Variants in MARCHF8 observed in about 807,000 individuals in gnomAD.
MARCHF8 encodes E3 ubiquitin-protein ligase MARCHF8.
MARCHF8 carries 40 observed loss-of-function variants against 51.6 expected under a neutral mutation model. The observed-to-expected ratio is 0.77, with a 90% CI of 0.60 to 1.01. MARCHF8 has a LOEUF of 1.01. MARCHF8 is among the 50% of genes least tolerant of loss of function. The probability of loss-of-function intolerance (pLI) is 0.00; values close to 1 mark genes in which losing one functional copy is unlikely to be tolerated. For missense variants in MARCHF8, 685 were observed against 708.6 expected (o/e 0.97, Z 0.38); for synonymous variants, 263 against 280.3 (o/e 0.94, Z 0.62).
At chr10:45,498,383 A>G (rs1473702931) in intron 2 of MARCHF8, among the ~76,000 whole-genome samples, 1 of 152,156 alleles carries the variant, frequency 6.6e-6, no homozygotes, top group East Asian at 1.9e-4. Flanking sequence ...TAGATACTTT[A>G]TACAAGTGGA....
Position 45,469,046 on chromosome 10 carries a change from A to G in MARCHF8, c.154-4719T>C, listed in dbSNP as rs147974648. Among the ~76,000 whole-genome samples, 363 of 152,288 alleles carry G rather than the reference A, an allele frequency of 2.4e-3. 1 individual carries two copies. Among genetic ancestry groups the G allele is most frequent in the African/African-American group, 8.1e-3 (337 of 41,566 alleles). ...CAGCAAACGGCTGGAATCACCCTAA[A>G]TGCCCATCACCTTGGAGCTGAGGCA... On this transcript the variant is annotated intron_variant, in intron 3 of 7. Coordinates refer to ENST00000453424, the MANE Select transcript of MARCHF8 (RefSeq NM_001282866.2).
At chr10:45,480,316 A>T (rs1338756868) in intron 3 of MARCHF8, among the ~76,000 whole-genome samples, 2 of 152,232 alleles carry the variant, frequency 1.3e-5, no homozygotes, top group Non-Finnish European at 2.9e-5. Context: ...ATTGAAAAGA[A>T]AAACCCATTT....
intron 1 of MARCHF8, among the ~76,000 whole-genome samples, chr10:45,550,332 C>T (rs992204674): frequency 2.6e-5 from 4 of 152,166 alleles, no homozygotes; most frequent in Non-Finnish European, 2.9e-5. Flanking sequence ...TCTCACGTTC[C>T]TTAACAAACA....
intron 2 of MARCHF8, among the ~76,000 whole-genome samples, chr10:45,494,034 T>C (rs1196724962): frequency 6.6e-6 from 1 of 152,204 alleles, no homozygotes; most frequent in African/African-American, 2.4e-5. Context: ...ACAATTGAGT[T>C]AATACAAATC....
chr10:45,504,289 T>C (rs2043338417), intron 2 of MARCHF8, among the ~76,000 whole-genome samples: 1 of 152,054 alleles, frequency 6.6e-6, no homozygotes, highest in African/African-American at 2.4e-5. Flanking sequence ...CTACTAAAAA[T>C]ACAAAATTAG....
intron 3 of MARCHF8, among the ~76,000 whole-genome samples, chr10:45,488,062 C>T (rs905318709): frequency 1.3e-5 from 2 of 152,112 alleles, no homozygotes; most frequent in South Asian, 2.1e-4. Context: ...AGCAAGCTCA[C>T]TGCATCAGAT....
At chr10:45,509,075 A>T (rs2043443874) in intron 2 of MARCHF8, among the ~76,000 whole-genome samples, 1 of 152,194 alleles carries the variant, frequency 6.6e-6, no homozygotes, top group South Asian at 2.1e-4. Flanking sequence ...ACCCCATGGA[A>T]AAGGGCTATG....
At chr10:45,467,188 G>T (rs1055440200) in intron 3 of MARCHF8, among the ~76,000 whole-genome samples, 12 of 152,132 alleles carry the variant, frequency 7.9e-5, no homozygotes, top group African/African-American at 2.7e-4. Flanking sequence ...AACATTACAG[G>T]ATACTCTCAG....
intron 1 of MARCHF8, among the ~76,000 whole-genome samples, chr10:45,571,991 G>T (rs1047207453): frequency 1.3e-5 from 2 of 152,094 alleles, no homozygotes; most frequent in Non-Finnish European, 2.9e-5. Flanking sequence ...TTATCACCGC[G>T]GGGACGCCTG....
At chr10:45,565,084 C>A (rs997683332) in intron 1 of MARCHF8, among the ~76,000 whole-genome samples, 2 of 151,574 alleles carry the variant, frequency 1.3e-5, no homozygotes, top group Non-Finnish European at 2.9e-5. Context: ...AGAAGACACA[C>A]GCTGGCTGTT....
intron 3 of MARCHF8, among the ~76,000 whole-genome samples, chr10:45,476,498 T>C (rs890298587): frequency 2.0e-5 from 3 of 151,808 alleles, no homozygotes; most frequent in Non-Finnish European, 4.4e-5. Context: ...AGCACAGGAG[T>C]TGGAAGCTGC....
chr10:45,556,290 C>A (rs997978264), intron 1 of MARCHF8, among the ~76,000 whole-genome samples: 10 of 152,154 alleles, frequency 6.6e-5, no homozygotes, highest in African/African-American at 2.4e-4. Context: ...AACACACACA[C>A]AAAACTGTGA....
chr10:45,550,139 TAG>T (rs2044178396), intron 1 of MARCHF8, among the ~76,000 whole-genome samples: 1 of 152,214 alleles, frequency 6.6e-6, no homozygotes, highest in African/African-American at 2.4e-5. Flanking sequence ...TTTTTATCAG[TAG>T]AGTGTTTTTA....
chr10:45,543,783 G>A (rs1453210413), intron 1 of MARCHF8, among the ~76,000 whole-genome samples: 1 of 119,464 alleles, frequency 8.4e-6, no homozygotes, highest in African/African-American at 3.2e-5. Flanking sequence ...GGGTGACAGA[G>A]TGAGACTCCG....
intron 1 of MARCHF8, among the ~76,000 whole-genome samples, chr10:45,541,229 AC>A (rs1333443790): frequency 6.6e-6 from 1 of 152,264 alleles, no homozygotes; most frequent in African/African-American, 2.4e-5. Flanking sequence ...ACCATGGAAT[AC>A]TATGCAGCCA....
chr10:45,494,429 G>A (rs1304194060), intron 2 of MARCHF8, among the ~76,000 whole-genome samples: 1 of 151,962 alleles, frequency 6.6e-6, no homozygotes, highest in Admixed American at 6.6e-5. Context: ...GACCAGGACT[G>A]GTCCTTAAAA....
upstream of MARCHF8, among the ~76,000 whole-genome samples, chr10:45,538,835 C>A (rs1808640388): frequency 6.6e-6 from 1 of 152,194 alleles, no homozygotes; most frequent in Non-Finnish European, 1.5e-5. Context: ...TAGTGACCTA[C>A]AAAGAGACTT....
intron 2 of MARCHF8, among the ~76,000 whole-genome samples, chr10:45,531,406 T>A (rs2043883799): frequency 6.6e-6 from 1 of 152,182 alleles, no homozygotes; most frequent in Non-Finnish European, 1.5e-5. Flanking sequence ...CCAGAAATGG[T>A]AATTATCTGA....
At chr10:45,582,016 A>T (rs2044561312) in intron 1 of MARCHF8, among the ~76,000 whole-genome samples, 1 of 152,176 alleles carries the variant, frequency 6.6e-6, no homozygotes, top group Non-Finnish European at 1.5e-5. Flanking sequence ...AGTAATGACC[A>T]ATGAGTCACG....
Sources: allele counts gnomAD v4.1 joint callset (sites outside exome capture counted in the v4.1 genomes callset), GRCh38; gene constraint gnomAD v4.1.1; transcripts MANE v1.5; gene names NCBI Gene and HGNC (gene_info 2026-07-23, HGNC 2026-07-21).